Variants in ADGRL3 observed in about 807,000 individuals in gnomAD.
ADGRL3 encodes adhesion G protein-coupled receptor L3.
A neutral mutation model predicts 153.5 loss-of-function variants in ADGRL3; 62 were observed. The observed-to-expected ratio is 0.40, with a 90% CI of 0.33 to 0.50. The LOEUF is 0.50. Among genes scored for constraint, ADGRL3 ranks in the 20% least tolerant of loss-of-function variants. ADGRL3 has a pLI of 0.47. For synonymous variants in ADGRL3, 710 were observed against 672.5 expected (o/e 1.06, Z -0.86); for missense variants, 1,641 against 1,859.4 (o/e 0.88, Z 2.16).
At chr4:61,993,473 G>T (rs374613496) in intron 19 of ADGRL3, among the ~76,000 whole-genome samples, 1 of 151,108 alleles carries the variant, frequency 6.6e-6, no homozygotes, top group African/African-American at 2.4e-5. Flanking sequence ...TGTATTTTTA[G>T]TAGAGATGGG....
intron 5 of ADGRL3, among the ~76,000 whole-genome samples, chr4:61,645,190 A>T (rs2093911497): frequency 6.6e-6 from 1 of 152,160 alleles, no homozygotes; most frequent in African/African-American, 2.4e-5. Flanking sequence ...TCTGCACATG[A>T]GATGGGTTTT....
chr4:61,609,555 TTCA>T (rs2099045204), intron 5 of ADGRL3, among the ~76,000 whole-genome samples: 1 of 152,094 alleles, frequency 6.6e-6, no homozygotes. Flanking sequence ...TTTAAAGTAT[TTCA>T]TGTCTTAAAT....
At chr4:61,475,909 T>C (rs1305152556) in intron 2 of ADGRL3, among the ~76,000 whole-genome samples, 2 of 152,158 alleles carry the variant, frequency 1.3e-5, no homozygotes, top group Non-Finnish European at 2.9e-5. Flanking sequence ...ACATCTACAA[T>C]CTTATGCAAG....
At chr4:61,385,676 A>G (rs2096727673) in intron 2 of ADGRL3, 1 of 152,172 alleles carries the variant, frequency 6.6e-6, no homozygotes, top group Non-Finnish European at 1.5e-5. Flanking sequence ...GTCCACAGCA[A>G]ACATATCTAA....
At chr4:61,402,427 G>A (rs910514478) in intron 2 of ADGRL3, among the ~76,000 whole-genome samples, 8 of 152,068 alleles carry the variant, frequency 5.3e-5, no homozygotes, top group African/African-American at 1.9e-4. Flanking sequence ...GATTTGGTAG[G>A]TTCAATAAGT....
intron 13 of ADGRL3, among the ~76,000 whole-genome samples, chr4:61,927,755 TC>T (rs2098800578): frequency 1.3e-5 from 2 of 152,248 alleles, no homozygotes; most frequent in African/African-American, 4.8e-5. Flanking sequence ...GTACAATGTG[TC>T]CTATTCAGTA....
intron 1 of ADGRL3, among the ~76,000 whole-genome samples, chr4:61,230,234 A>C (rs1750006784): frequency 6.6e-6 from 1 of 152,160 alleles, no homozygotes; most frequent in South Asian, 2.1e-4. Flanking sequence ...GCACATAGGG[A>C]GTGCTCCATG....
intron 21 of ADGRL3, among the ~76,000 whole-genome samples, chr4:62,006,368 C>T (rs1237182772): frequency 6.6e-6 from 1 of 151,782 alleles, no homozygotes; most frequent in Non-Finnish European, 1.5e-5. Context: ...AGTGTGACTC[C>T]AGGGTTTTTG....
At chr4:61,901,606 T>C (rs1003577591) in intron 11 of ADGRL3, among the ~76,000 whole-genome samples, 7 of 152,202 alleles carry the variant, frequency 4.6e-5, no homozygotes, top group Admixed American at 1.3e-4. Flanking sequence ...TATAGTAAAA[T>C]AGACAGATCT....
At chr4:61,401,109 G>A (rs2096925735) in intron 2 of ADGRL3, among the ~76,000 whole-genome samples, 1 of 151,306 alleles carries the variant, frequency 6.6e-6, no homozygotes, top group Admixed American at 6.6e-5. Flanking sequence ...GCAGTGGATA[G>A]AATTATAGTC....
Position 61,996,413 on chromosome 4 carries a change from A to G in ADGRL3, c.3303+56A>G, listed in dbSNP as rs904883341. ...CAGATCAAGAAGTAAAACTTTCACT[A>G]TCCCAGTACTGACTGTCTTTAATTT... is the stretch of plus-strand genomic sequence containing the variant. On this transcript the variant is annotated intron_variant, in intron 20 of 26. Transcript: ENST00000683033. 6.5e-5 allele frequency: 76 copies of G among 1,177,838 alleles called. 1 individual carries two copies. In the Middle Eastern group the frequency reaches 1.2e-3, roughly 18 times the overall value. The allele number at this position is 1,177,838 out of a possible 1,614,324, so 73.0% of individuals were successfully genotyped here. A position where few individuals can be genotyped will look rare whatever the true frequency, so the allele number is the denominator to read the frequency against.
chr4:61,981,684 A>G (rs1294733527), intron 18 of ADGRL3, among the ~76,000 whole-genome samples: 1 of 145,714 alleles, frequency 6.9e-6, no homozygotes, highest in African/African-American at 2.4e-5. Context: ...AGATTTATGC[A>G]CATGTTACAA....
intron 22 of ADGRL3, among the ~76,000 whole-genome samples, chr4:62,030,614 G>C (rs1012672820): frequency 1.3e-5 from 2 of 151,554 alleles, no homozygotes; most frequent in Non-Finnish European, 3.0e-5. Context: ...GAGTGGGAGT[G>C]AGAACTTGTC....
chr4:61,411,245 T>TC (rs2097083662), intron 2 of ADGRL3, among the ~76,000 whole-genome samples: 1 of 152,088 alleles, frequency 6.6e-6, no homozygotes, highest in Non-Finnish European at 1.5e-5. Context: ...TTCTTTTTTT[T>TC]CTGGAATAGT....
chr4:61,743,449 A>AT (rs1410732511), intron 8 of ADGRL3, among the ~76,000 whole-genome samples: 2 of 151,848 alleles, frequency 1.3e-5, no homozygotes, highest in African/African-American at 4.8e-5. Context: ...AATGCTAGTT[A>AT]TTTTTTTAAG....
intron 6 of ADGRL3, among the ~76,000 whole-genome samples, chr4:61,688,083 T>TC (rs1361145426): frequency 1.3e-5 from 2 of 151,992 alleles, no homozygotes; most frequent in Non-Finnish European, 2.9e-5. Flanking sequence ...GGAAAGGAAC[T>TC]CCATACTATT....
At chr4:61,960,941 C>G (rs1016733455) in intron 17 of ADGRL3, among the ~76,000 whole-genome samples, 2 of 152,112 alleles carry the variant, frequency 1.3e-5, no homozygotes, top group East Asian at 3.9e-4. Flanking sequence ...ATCTCTTGAC[C>G]TCATGATCTG....
intron 2 of ADGRL3, among the ~76,000 whole-genome samples, chr4:61,462,190 G>A (rs924268350): frequency 2.0e-5 from 3 of 152,172 alleles, no homozygotes; most frequent in Non-Finnish European, 4.4e-5. Flanking sequence ...TAGAATTAGA[G>A]TAAGTTACAG....
chr4:61,747,907 G>A (rs1405134204), intron 8 of ADGRL3, among the ~76,000 whole-genome samples: 1 of 152,086 alleles, frequency 6.6e-6, no homozygotes, highest in Non-Finnish European at 1.5e-5. Context: ...AGGAAAAGAG[G>A]AAGTGAAATT....
Sources: allele counts gnomAD v4.1 joint callset (sites outside exome capture counted in the v4.1 genomes callset), GRCh38; gene constraint gnomAD v4.1.1; transcripts MANE v1.5; gene names NCBI Gene and HGNC (gene_info 2026-07-23, HGNC 2026-07-21).